MTUS2: variants seen among roughly 807,000 people sequenced by gnomAD.
The protein encoded by MTUS2 is microtubule-associated tumor suppressor candidate 2.
Under a neutral mutation model 114.1 loss-of-function variants are expected in MTUS2, and 40 were observed. The observed-to-expected ratio is 0.35, with a 90% confidence interval of 0.27 to 0.46. MTUS2 has a LOEUF of 0.46. MTUS2 is among the 20% of genes least tolerant of loss of function. The pLI is 1.00. For missense variants in MTUS2, 1,679 were observed against 1,705.4 expected, an observed-to-expected ratio of 0.98 and a Z score of 0.27; for synonymous variants, 688 against 672.0, an observed-to-expected ratio of 1.02 and a Z score of -0.37.
chr13:29,478,900 T>C (rs1389459616), intron 9 of MTUS2, among the ~76,000 whole-genome samples: 2 of 152,216 alleles, frequency 1.3e-5, no homozygotes, highest in African/African-American at 2.4e-5. Flanking sequence ...GCAAGGTGCC[T>C]GTGTAATATC....
chr13:29,240,971 C>T (rs1297205647), intron 5 of MTUS2, among the ~76,000 whole-genome samples: 1 of 152,056 alleles, frequency 6.6e-6, no homozygotes, highest in Non-Finnish European at 1.5e-5. Flanking sequence ...CCTCATTTCT[C>T]CTTTCTCTGC....
chr13:29,456,055 A>G (rs959937176), intron 9 of MTUS2, among the ~76,000 whole-genome samples: 4 of 152,214 alleles, frequency 2.6e-5, no homozygotes, highest in African/African-American at 9.6e-5. Flanking sequence ...TGTTGTAATT[A>G]GCAGATAAAA....
Position 29,480,839 on chromosome 13 carries a change from T to C in MTUS2, c.3399+475T>C, listed in dbSNP as rs138084162. Among the ~76,000 whole-genome samples, 573 of 152,258 alleles carry C rather than the reference T, an allele frequency of 3.8e-3. 5 individuals carry two copies. Among genetic ancestry groups the C allele is most frequent in the African/African-American group, 0.013 (543 of 41,542 alleles). On this transcript the variant is annotated intron_variant, in intron 10 of 15. Transcript: ENST00000612955. The surrounding 1 kb of genome is among the most constrained non-coding windows in gnomAD (Gnocchi z 4.4). ...GGGCAGAGAGAATAACAAGCAAACATGTATGTAGCACTCGTCCTACACCAG... is the reference window on the plus strand; with the variant it reads ...GGGCAGAGAGAATAACAAGCAAACACGTATGTAGCACTCGTCCTACACCAG...
chr13:28,927,506 C>T (rs1881387486), intron 2 of MTUS2, among the ~76,000 whole-genome samples: 1 of 152,156 alleles, frequency 6.6e-6, no homozygotes, highest in African/African-American at 2.4e-5. Flanking sequence ...TTGGAGGCTG[C>T]AGTGAGCTGT....
intron 8 of MTUS2, among the ~76,000 whole-genome samples, chr13:29,415,600 T>G (rs1875605717): frequency 6.6e-6 from 1 of 152,222 alleles, no homozygotes; most frequent in Non-Finnish European, 1.5e-5. Flanking sequence ...TCACTTTGTT[T>G]TATATATCTT....
chr13:29,164,136 A>G (rs1410953114), intron 5 of MTUS2, among the ~76,000 whole-genome samples: 1 of 152,154 alleles, frequency 6.6e-6, no homozygotes. Context: ...AAACCTACCC[A>G]AACCTGCTTA....
At position 29,025,222 on chromosome 13, in the gene MTUS2, A is replaced by T; in HGVS notation, c.524A>T (p.His175Leu). The T allele has an allele frequency of 1.2e-6, 2 of 1,614,000 alleles. No homozygotes were observed. Among genetic ancestry groups the T allele is most frequent in the South Asian group, 2.2e-5 (2 of 91,084 alleles). ...CTTGACAATGAGGAACTGAGGAGGC[A>T]TTCTTTGGAAAGAGCAAGCAGCTCT... is the stretch of plus-strand genomic sequence containing the variant. Reference protein sequence around the residue: ...KTLDNEELRRHSLERASSSVA... With the variant: ...KTLDNEELRRLSLERASSSVA... Residue 175 changes from histidine to leucine, a missense_variant, in exon 3 of 16, where the codon CAT becomes CTT. By Grantham distance (99) the His-to-Leu change is moderately conservative (BLOSUM62 -3). Around this residue, in one of 3 missense-constraint regions of MTUS2, gnomAD observed 843 missense variants for 770.8 expected, o/e 1.09. Transcript: ENST00000612955.
At chr13:29,323,725 A>C (rs1900359359) in intron 6 of MTUS2, among the ~76,000 whole-genome samples, 1 of 152,206 alleles carries the variant, frequency 6.6e-6, no homozygotes, top group Non-Finnish European at 1.5e-5. Flanking sequence ...GAATAAACAC[A>C]AAATTGCTAG....
intron 2 of MTUS2, among the ~76,000 whole-genome samples, chr13:29,018,158 G>A (rs748299845): frequency 4.6e-5 from 7 of 152,174 alleles, no homozygotes; most frequent in Non-Finnish European, 8.8e-5. Context: ...CTCTTGGGTA[G>A]GAGGATGATT....
intron 12 of MTUS2, among the ~76,000 whole-genome samples, chr13:29,493,690 G>A (rs1480628269): frequency 1.3e-5 from 2 of 152,144 alleles, no homozygotes; most frequent in African/African-American, 2.4e-5. Context: ...GTGGTTTGCC[G>A]TTGGCCAATG....
intron 8 of MTUS2, among the ~76,000 whole-genome samples, chr13:29,360,499 C>A (rs1055134113): frequency 6.6e-6 from 1 of 152,120 alleles, no homozygotes; most frequent in African/African-American, 2.4e-5. Context: ...ATTTATCAAT[C>A]TGTTGTGGTA....
chr13:28,826,680 A>G (rs1640760301), intron 1 of MTUS2, among the ~76,000 whole-genome samples: 1 of 152,266 alleles, frequency 6.6e-6, no homozygotes, highest in African/African-American at 2.4e-5. Context: ...ATTAGCGTCT[A>G]TGAAGACTGT....
intron 2 of MTUS2, among the ~76,000 whole-genome samples, chr13:28,885,037 T>C (rs371369843): frequency 2.0e-4 from 31 of 152,236 alleles, no homozygotes; most frequent in Admixed American, 5.2e-4. Context: ...TTTTGAAATT[T>C]ATCATCAATC....
chr13:29,283,072 T>G (rs975482037), intron 6 of MTUS2, among the ~76,000 whole-genome samples: 1 of 152,224 alleles, frequency 6.6e-6, no homozygotes, highest in African/African-American at 2.4e-5. Context: ...CATTAATAGA[T>G]ATGGATAGAT....
At chr13:28,859,927 T>C (rs1054763686) in intron 2 of MTUS2, among the ~76,000 whole-genome samples, 1 of 152,184 alleles carries the variant, frequency 6.6e-6, no homozygotes, top group African/African-American at 2.4e-5. Context: ...TTAATCTTAC[T>C]GATCAGTACA....
chr13:29,231,497 C>A (rs957358614), intron 5 of MTUS2, among the ~76,000 whole-genome samples: 5 of 152,216 alleles, frequency 3.3e-5, no homozygotes, highest in African/African-American at 1.2e-4. Flanking sequence ...ACTTGTCCTG[C>A]ACGTTTTGCA....
Position 29,026,537 on chromosome 13 carries a change from G to C in MTUS2, c.1839G>C (p.Glu613Asp). The C allele has an allele frequency of 2.5e-6, 4 of 1,613,972 alleles. No homozygotes were observed. Among genetic ancestry groups the C allele is most frequent in the Non-Finnish European group, 3.4e-6 (4 of 1,179,872 alleles). Residue 613 changes from glutamate (E) to aspartate (D), a missense_variant, in exon 3 of 16, where the codon GAG becomes GAC. By Grantham distance (45) the Glu-to-Asp change is conservative (BLOSUM62 2). This residue lies in a region of MTUS2 where 843 missense variants were observed against 770.8 expected (regional missense o/e 1.09). Coordinates refer to ENST00000612955, the MANE Select transcript of MTUS2 (RefSeq NM_001033602.4). ...THSKDTPSSQ[E>D]GMENYQVEKT... is the part of the protein sequence containing the mutation. ...CCAAGGACACACCTTCCTCGCAGGA[G>C]GGAATGGAGAACTATCAGGTTGAAA... is the stretch of plus-strand genomic sequence containing the variant.
chr13:29,492,612 A>C, intron 11 of MTUS2, 34 bp from the exon 12 acceptor site: 1 of 1,569,322 alleles, frequency 6.4e-7, no homozygotes, highest in Non-Finnish European at 8.8e-7. Context: ...TTCAAAAGAA[A>C]GACCAACTTG....
chr13:29,255,356 C>T (rs1897256803), intron 5 of MTUS2, among the ~76,000 whole-genome samples: 1 of 152,036 alleles, frequency 6.6e-6, no homozygotes, highest in Non-Finnish European at 1.5e-5. Flanking sequence ...TTTTTACAGC[C>T]CCCTCCGGTC....
Sources: allele counts gnomAD v4.1 joint callset (sites outside exome capture counted in the v4.1 genomes callset), GRCh38; gene constraint gnomAD v4.1.1; regional missense constraint gnomAD v4.1.1; non-coding constraint Gnocchi (gnomAD v3.1); transcripts MANE v1.5; gene names NCBI Gene and HGNC (gene_info 2026-07-23, HGNC 2026-07-21).